BNC2: variants seen among roughly 807,000 people sequenced by gnomAD.
The protein encoded by BNC2 is basonuclin zinc finger protein 2, also known as zinc finger protein basonuclin-2.
BNC2 carries 20 observed loss-of-function variants against 76.3 expected under a neutral mutation model. That is an observed-to-expected ratio of 0.26 (90% CI 0.18 to 0.38). The LOEUF is 0.38. Among genes scored for constraint, BNC2 ranks in the 10% least tolerant of loss-of-function variants. The pLI is 1.00. For missense variants in BNC2, 1,382 were observed against 1,399.8 expected (o/e 0.99, Z 0.20); for synonymous variants, 582 against 514.8 (o/e 1.13, Z -1.77).
In BNC2 at chr9:16,511,689, A is replaced by G. The variant is rs532497665; in HGVS notation, c.669+40841T>C. Reference sequence around the variant, plus strand: ...AGGAATCCATGGGCCTCAGCCCCCCAAAGTGCTGAGATTACAGGCGTGAGA... The same window carrying G: ...AGGAATCCATGGGCCTCAGCCCCCCGAAGTGCTGAGATTACAGGCGTGAGA... On this transcript the variant is annotated intron_variant, in intron 5 of 6. Coordinates refer to ENST00000380672, the MANE Select transcript of BNC2 (RefSeq NM_017637.6). Among the ~76,000 whole-genome samples, 14 of 152,256 alleles carry G rather than the reference A, an allele frequency of 9.2e-5. No homozygotes were observed. In the East Asian group the frequency reaches 2.5e-3, roughly 27 times the overall value.
chr9:16,620,217 C>T (rs1358585010), intron 3 of BNC2, among the ~76,000 whole-genome samples: 1 of 152,062 alleles, frequency 6.6e-6, no homozygotes, highest in South Asian at 2.1e-4. Flanking sequence ...TTCTGAATTC[C>T]GAGTTAAATA....
intron 4 of BNC2, among the ~76,000 whole-genome samples, chr9:16,577,826 T>C (rs938308223): frequency 1.3e-5 from 2 of 152,152 alleles, no homozygotes; most frequent in African/African-American, 2.4e-5. Flanking sequence ...TTAATTCAGA[T>C]CTCTTGAAAG....
intron 5 of BNC2, among the ~76,000 whole-genome samples, chr9:16,481,624 G>C (rs939915311): frequency 6.6e-6 from 1 of 152,168 alleles, no homozygotes; most frequent in Non-Finnish European, 1.5e-5. Context: ...ACACACCATC[G>C]CTGATATCAC....
At chr9:16,810,360 C>CAAAACCAAGGAGTCGTG (rs1422328031) in intron 1 of BNC2, among the ~76,000 whole-genome samples, 2 of 152,204 alleles carry the variant, frequency 1.3e-5, no homozygotes, top group African/African-American at 2.4e-5. Flanking sequence ...TTCAGCCTTG[C>CAAAACCAAGGAGTCGTG]AAAACCAAGG....
At chr9:16,678,633 A>C (rs1350690127) in intron 3 of BNC2, among the ~76,000 whole-genome samples, 1 of 149,244 alleles carries the variant, frequency 6.7e-6, no homozygotes, top group South Asian at 2.1e-4. Context: ...TTCTGTACCT[A>C]AACAGTAACA....
chr9:16,537,326 C>A (rs528372157), intron 5 of BNC2, among the ~76,000 whole-genome samples: 1 of 151,998 alleles, frequency 6.6e-6, no homozygotes, highest in Non-Finnish European at 1.5e-5. Context: ...ACTCGAAACA[C>A]TATAGTATTA....
intron 1 of BNC2, among the ~76,000 whole-genome samples, chr9:16,778,290 AC>A (rs538497111): frequency 8.4e-4 from 128 of 152,298 alleles, no homozygotes; most frequent in African/African-American, 2.5e-3. Context: ...ATTGGCAGAG[AC>A]CCAAAGGAGT....
At chr9:16,600,311 T>C (rs1016512568) in intron 3 of BNC2, among the ~76,000 whole-genome samples, 6 of 152,236 alleles carry the variant, frequency 3.9e-5, no homozygotes, top group African/African-American at 1.4e-4. Context: ...GTGATAAGCA[T>C]GCTTTAATAC....
At position 16,715,958 on chromosome 9, in the gene BNC2, G is replaced by A. The variant is rs538696544; in HGVS notation, c.330+11839C>T. The stretch of plus-strand genomic sequence containing the variant: ...CAAGTTTCATTTCAATGAAACATTC[G>A]TGCAAACCAAAGGAAACTCATTTTC... On this transcript the variant is annotated intron_variant, in intron 3 of 6. Transcript: ENST00000380672. Among the ~76,000 whole-genome samples the A allele has an allele frequency of 8.5e-5, 13 of 152,280 alleles. No homozygotes were observed. The South Asian group carries it at 2.3e-3, about 27-fold the overall frequency.
chr9:16,744,201 C>T (rs952320270), intron 1 of BNC2, among the ~76,000 whole-genome samples: 2 of 152,052 alleles, frequency 1.3e-5, no homozygotes, highest in South Asian at 4.1e-4. Flanking sequence ...AATCTCCTGA[C>T]CTTGTGATCC....
At chr9:16,421,635 C>T (rs1397032739) in intron 6 of BNC2, among the ~76,000 whole-genome samples, 1 of 152,120 alleles carries the variant, frequency 6.6e-6, no homozygotes, top group Non-Finnish European at 1.5e-5. Context: ...TCCCCACGGT[C>T]CCTGCTCTGA....
Position 16,419,315 on chromosome 9 carries a change from C to T in BNC2, c.2974G>A (p.Asp992Asn). 2 of 1,613,532 alleles carry T rather than the reference C, an allele frequency of 1.2e-6. No homozygotes were observed. The highest frequency in any genetic ancestry group is 8.5e-7 in the Non-Finnish European group (1 of 1,179,560). Residue 992 changes from aspartate (D) to asparagine (N), a missense_variant, in exon 7 of 7, where the codon GAC becomes AAC. Asp to Asn is a conservative substitution (Grantham distance 23, BLOSUM62 1). Transcript: ENST00000380672. The stretch of plus-strand genomic sequence containing the variant: ...CCACTGTCACTCGCCCCGTCAATGT[C>T]ATCGAGAAGAATCCCCTCATCGCTG... ...AGSDEGILLD[D>N]IDGASDSGES...
At chr9:16,465,000 C>G (rs573918230) in intron 5 of BNC2, among the ~76,000 whole-genome samples, 1 of 152,170 alleles carries the variant, frequency 6.6e-6, no homozygotes, top group Non-Finnish European at 1.5e-5. Flanking sequence ...TTCTAACACA[C>G]GACTTTTAAT....
In BNC2 at chr9:16,415,758, G is replaced by C. The variant is rs1432279325; in HGVS notation, c.*3231C>G. ...TACATTTTATGATTTTCCATTGCATGTACTACATCCATCCACTCCCCTGTC... is the reference window on the plus strand; with the variant it reads ...TACATTTTATGATTTTCCATTGCATCTACTACATCCATCCACTCCCCTGTC... On this transcript the variant is annotated 3_prime_UTR_variant, in exon 7 of 7. Transcript: ENST00000380672. The C allele has an allele frequency of 6.6e-6, 1 of 152,198 alleles. No homozygotes were observed. The highest frequency in any genetic ancestry group is 1.9e-4 in the East Asian group (1 of 5,194). 9.4% of individuals were successfully genotyped at this position (152,198 alleles called of 1,614,324 possible). A position where few individuals can be genotyped will look rare whatever the true frequency, so the allele number is the denominator to read the frequency against.
chr9:16,480,794 C>A (rs548188971), intron 5 of BNC2, among the ~76,000 whole-genome samples: 36 of 152,322 alleles, frequency 2.4e-4, no homozygotes, highest in African/African-American at 7.7e-4. Context: ...CCTCCCACCC[C>A]CTCCATGGGC....
chr9:16,740,069 G>A (rs1239749968), intron 1 of BNC2, among the ~76,000 whole-genome samples: 1 of 152,180 alleles, frequency 6.6e-6, no homozygotes, highest in African/African-American at 2.4e-5. Context: ...TGGTTATTAG[G>A]GGAAAAGACA....
intron 1 of BNC2, among the ~76,000 whole-genome samples, chr9:16,765,625 A>C (rs577319080): frequency 6.6e-6 from 1 of 152,056 alleles, no homozygotes; most frequent in Admixed American, 6.5e-5. Context: ...TTTAAAACCA[A>C]CCCCAAACTC....
chr9:16,619,619 C>T (rs1440290198), intron 3 of BNC2, among the ~76,000 whole-genome samples: 2 of 152,166 alleles, frequency 1.3e-5, no homozygotes, highest in African/African-American at 4.8e-5. Flanking sequence ...GACTCCCTTT[C>T]TCTAAATGTT....
rs71327860 is a variant in BNC2, at chr9:16,793,648, C to CTTTTTTT, written c.4-55170_4-55164dup. ...CCAAAGGGGTACTTGCCTTCCACAT[C>CTTTTTTT]TTTTTTTTTTTTTTTTTTTTTTTTT... On this transcript the variant is annotated intron_variant, in intron 1 of 6. Coordinates refer to ENST00000380672, the MANE Select transcript of BNC2 (RefSeq NM_017637.6). 4.5e-4 allele frequency among the ~76,000 whole-genome samples: 25 copies of CTTTTTTT among 55,826 alleles called. 1 individual carries two copies. Among genetic ancestry groups the CTTTTTTT allele is most frequent in the African/African-American group, 1.2e-3 (22 of 18,180 alleles). 36.6% of individuals were successfully genotyped at this position (55,826 alleles called of 152,430 possible).
Sources: allele counts gnomAD v4.1 joint callset (sites outside exome capture counted in the v4.1 genomes callset), GRCh38; gene constraint gnomAD v4.1.1; transcripts MANE v1.5; gene names NCBI Gene and HGNC (gene_info 2026-07-23, HGNC 2026-07-21).